The following SGCD variants were observed in gnomAD, a reference collection of about 807,000 sequenced individuals.
The protein encoded by SGCD is sarcoglycan delta.
A neutral mutation model predicts 36.6 loss-of-function variants in SGCD; 18 were observed. That is an observed-to-expected ratio of 0.49 (90% CI 0.34 to 0.73). The LOEUF (loss-of-function observed/expected upper bound fraction) is 0.73, where lower values mean the gene tolerates loss of function less well. Among genes scored for constraint, SGCD ranks in the 30% least tolerant of loss-of-function variants. The pLI is 0.01. For missense variants in SGCD, 387 were observed against 346.7 expected (o/e 1.12, Z -0.92); for synonymous variants, 133 against 130.6 (o/e 1.02, Z -0.12).
chr5:156,621,581 G>C (rs1353560205), intron 6 of SGCD, among the ~76,000 whole-genome samples: 1 of 152,192 alleles, frequency 6.6e-6, no homozygotes, highest in African/African-American at 2.4e-5. Context: ...AAAATTAGGA[G>C]ATTAGTTTAA....
chr5:156,702,688 G>T (rs1581424819), intron 7 of SGCD, among the ~76,000 whole-genome samples: 1 of 152,192 alleles, frequency 6.6e-6, no homozygotes, highest in East Asian at 1.9e-4. Flanking sequence ...AATAAAATGA[G>T]ACTTTAATAT....
At chr5:156,332,186 A>G (rs1768099562) in intron 2 of SGCD, among the ~76,000 whole-genome samples, 1 of 152,250 alleles carries the variant, frequency 6.6e-6, no homozygotes, top group African/African-American at 2.4e-5. Flanking sequence ...TGATGTTACC[A>G]GGCTGCTGAT....
chr5:156,124,458 A>C (rs1762120722), intron 3 of SGCD, among the ~76,000 whole-genome samples: 1 of 152,166 alleles, frequency 6.6e-6, no homozygotes. Context: ...TTATTCCTTA[A>C]GGTCTTTAGG....
intron 1 of SGCD, among the ~76,000 whole-genome samples, chr5:155,872,720 A>G (rs1447402808): frequency 6.6e-6 from 1 of 152,196 alleles, no homozygotes; most frequent in Non-Finnish European, 1.5e-5. Flanking sequence ...AAGGGAATTA[A>G]CTGACATAGC....
At chr5:156,701,069 C>A (rs1206254613) in intron 7 of SGCD, among the ~76,000 whole-genome samples, 2 of 152,072 alleles carry the variant, frequency 1.3e-5, no homozygotes, top group East Asian at 1.9e-4. Flanking sequence ...TTTTAAATAC[C>A]ATCCCTCTGC....
chr5:156,388,406 G>T (rs2127752909), intron 3 of SGCD, among the ~76,000 whole-genome samples: 1 of 152,276 alleles, frequency 6.6e-6, no homozygotes, highest in Middle Eastern at 3.4e-3. Flanking sequence ...GCAATCTTTG[G>T]CATATCTAGT....
chr5:156,008,549 AATT>A (rs1403346520), intron 1 of SGCD, among the ~76,000 whole-genome samples: 1 of 151,882 alleles, frequency 6.6e-6, no homozygotes, highest in African/African-American at 2.4e-5. Flanking sequence ...CTAATTTTTT[AATT>A]CTTTGTAGAG....
At chr5:155,979,859 T>C (rs1316020013) in intron 1 of SGCD, among the ~76,000 whole-genome samples, 4 of 152,136 alleles carry the variant, frequency 2.6e-5, no homozygotes, top group Admixed American at 2.6e-4. Flanking sequence ...GCTCAGATGA[T>C]GGTATGTTCT....
At chr5:156,085,290 G>A (rs1761065303) in intron 1 of SGCD, among the ~76,000 whole-genome samples, 1 of 152,132 alleles carries the variant, frequency 6.6e-6, no homozygotes, top group African/African-American at 2.4e-5. Context: ...CAGTGCTGGA[G>A]GTGTGGCCTG....
intron 1 of SGCD, among the ~76,000 whole-genome samples, chr5:155,999,314 A>C (rs1200896077): frequency 6.6e-6 from 1 of 152,166 alleles, no homozygotes; most frequent in African/African-American, 2.4e-5. Flanking sequence ...TGTTTCCCCC[A>C]CTAAACAAGA....
At chr5:156,552,051 G>T (rs894045785) in intron 4 of SGCD, among the ~76,000 whole-genome samples, 1 of 152,122 alleles carries the variant, frequency 6.6e-6, no homozygotes, top group Non-Finnish European at 1.5e-5. Context: ...GTTATGTACT[G>T]CCCAGGCCTT....
intron 5 of SGCD, among the ~76,000 whole-genome samples, chr5:156,593,542 G>T (rs1249719953): frequency 6.6e-6 from 1 of 151,974 alleles, no homozygotes; most frequent in Non-Finnish European, 1.5e-5. Context: ...CATTTCCCTG[G>T]TCTGTCTTTG....
At chr5:156,324,189 A>G (rs978776483), upstream of SGCD, among the ~76,000 whole-genome samples, 3 of 152,300 alleles carry the variant, frequency 2.0e-5, no homozygotes, top group African/African-American at 7.2e-5. Flanking sequence ...GTTTGTTAAC[A>G]AAGGGATGCT....
chr5:156,488,098 GTTTTTTTTTTT>G (rs559483068), intron 3 of SGCD, among the ~76,000 whole-genome samples: 4 of 92,520 alleles, frequency 4.3e-5, no homozygotes, highest in African/African-American at 1.0e-4. Context: ...TTGAAGACAG[GTTTTTTTTTTT>G]TTTTTTTTTT....
chr5:156,530,877 C>T (rs56183897), intron 4 of SGCD, among the ~76,000 whole-genome samples: 33,089 of 152,146 alleles, frequency 0.22, 4,522 homozygotes, highest in Non-Finnish European at 0.31. Context: ...CGTGTCTGGC[C>T]GCCATGCTTT....
At chr5:156,427,422 G>C (rs1280669529) in intron 3 of SGCD, among the ~76,000 whole-genome samples, 1 of 152,076 alleles carries the variant, frequency 6.6e-6, no homozygotes, top group Non-Finnish European at 1.5e-5. Context: ...TCATCTATCA[G>C]ATCTAGGAGC....
chr5:155,825,199 C>T, the SGCD span, among the ~76,000 whole-genome samples: 1 of 152,042 alleles, frequency 6.6e-6, no homozygotes, highest in African/African-American at 2.4e-5. Flanking sequence ...AAAGAAGTGA[C>T]AATGAGGAGA....
intron 1 of SGCD, among the ~76,000 whole-genome samples, chr5:155,973,125 T>C (rs1758040423): frequency 6.6e-6 from 1 of 152,188 alleles, no homozygotes; most frequent in Non-Finnish European, 1.5e-5. Flanking sequence ...AGTCTGATTT[T>C]ACAATATTTC....
At chr5:156,304,818 T>C (rs1243665403) in intron 3 of SGCD, among the ~76,000 whole-genome samples, 1 of 152,144 alleles carries the variant, frequency 6.6e-6, no homozygotes, top group Non-Finnish European at 1.5e-5. Context: ...TGGTCTCAGA[T>C]GGAGATGAGG....
Sources: allele counts gnomAD v4.1 joint callset (sites outside exome capture counted in the v4.1 genomes callset), GRCh38; gene constraint gnomAD v4.1.1; transcripts MANE v1.5; gene names NCBI Gene and HGNC (gene_info 2026-07-23, HGNC 2026-07-21).